Variants in DLEC1 observed in about 807,000 individuals in gnomAD.
DLEC1 encodes the protein DLEC1 cilia and flagella associated protein.
In DLEC1, 146 loss-of-function variants were observed where a neutral mutation model predicts 198.1. The observed-to-expected ratio is 0.74, with a 90% CI of 0.64 to 0.85. DLEC1 has a LOEUF of 0.85. Among genes scored for constraint, DLEC1 ranks in the 40% least tolerant of loss-of-function variants. The probability of loss-of-function intolerance (pLI) is 0.00; values close to 1 mark genes in which losing one functional copy is unlikely to be tolerated. For missense variants in DLEC1, 2,233 were observed against 2,220.0 expected (o/e 1.01, Z -0.12); for synonymous variants, 897 against 866.8 (o/e 1.03, Z -0.61).
chr3:38,122,050 C>G (rs893429611), intron 35 of DLEC1, 21 bp from the exon 36 acceptor site: 2 of 1,612,410 alleles, frequency 1.2e-6, no homozygotes, highest in African/African-American at 2.7e-5. Flanking sequence ...ACTCATGTGT[C>G]TTCCCTTCCC....
intron 10 of DLEC1, 123 bp downstream of exon 10, chr3:38,088,511 C>G (rs1380982876): frequency 5.8e-6 from 5 of 857,098 alleles, no homozygotes; most frequent in Non-Finnish European, 7.4e-6. Flanking sequence ...TCTGGGTAGA[C>G]GCATATTCTT....
chr3:38,097,697 T>A, intron 17 of DLEC1, 47 bp from the exon 18 acceptor site: 1 of 1,613,598 alleles, frequency 6.2e-7, no homozygotes, highest in South Asian at 1.1e-5. Context: ...GCTGGGACAC[T>A]GAGCCATCCC....
intron 6 of DLEC1, among the ~76,000 whole-genome samples, chr3:38,070,115 T>C (rs560508665): frequency 6.6e-6 from 1 of 152,234 alleles, no homozygotes; most frequent in South Asian, 2.1e-4. Context: ...CTGGGTGCAG[T>C]TGGAGGATTA....
intron 2 of DLEC1, among the ~76,000 whole-genome samples, chr3:38,054,794 C>A (rs1696267487): frequency 6.6e-6 from 1 of 152,218 alleles, no homozygotes; most frequent in South Asian, 2.1e-4. Flanking sequence ...TTAAAACCAG[C>A]TAAACATGAG....
chr3:38,045,075 A>T (rs933410023), intron 1 of DLEC1, among the ~76,000 whole-genome samples: 17 of 152,074 alleles, frequency 1.1e-4, no homozygotes, highest in African/African-American at 4.1e-4. Context: ...AGGTCTTTAT[A>T]CCCCTGCCTC....
chr3:38,103,356 C>T (rs1329362228), intron 19 of DLEC1: 2 of 152,298 alleles, frequency 1.3e-5, no homozygotes, highest in Non-Finnish European at 2.9e-5. Flanking sequence ...GCTCCCCCGC[C>T]CTTTGATGCC....
At chr3:38,093,824 C>G (rs758276026) in intron 12 of DLEC1, 57 bp downstream of exon 12, 1 of 1,600,062 alleles carries the variant, frequency 6.2e-7, no homozygotes, top group Non-Finnish European at 8.5e-7. Context: ...TTACCTGGCC[C>G]TCAGTCCCAG....
Position 38,117,594 on chromosome 3 carries a change from G to C in DLEC1, c.4468G>C (p.Glu1490Gln), listed in dbSNP as rs370289865. ...GTGCCAGGCCAGTGACCTCATTCCC[G>C]AGCAGCCCTGCTCTGGGGTGAGTGT... is the stretch of plus-strand genomic sequence containing the variant. ...FQCQASDLIP[E>Q]QPCSGVLSEL... Residue 1490 changes from glutamate (E) to glutamine (Q), a missense_variant, in exon 32 of 37, where the codon GAG becomes CAG. Glu to Gln is a conservative substitution (Grantham distance 29). Coordinates refer to ENST00000308059, the MANE Select transcript of DLEC1 (RefSeq NM_007335.4). The C allele has an allele frequency of 1.9e-6, 3 of 1,613,976 alleles. No homozygotes were observed. The highest frequency in any genetic ancestry group is 1.3e-5 in the African/African-American group (1 of 74,908).
rs1183394280 is a variant in DLEC1, at chr3:38,059,870, T to C, written c.673+18T>C. 1 of 1,607,772 alleles carries C rather than the reference T, an allele frequency of 6.2e-7. No homozygotes were observed. Among genetic ancestry groups the C allele is most frequent in the Non-Finnish European group, 8.5e-7 (1 of 1,175,412 alleles). ...ACCTAAAGGTAATGCTTCTGTGCTC[T>C]CAAGGCCTCTGATACCATTTGGGGG... On this transcript the variant is annotated intron_variant, in intron 3 of 36. Coordinates refer to ENST00000308059, the MANE Select transcript of DLEC1 (RefSeq NM_007335.4).
At chr3:38,086,521 C>G in intron 9 of DLEC1, 144 bp downstream of exon 9, 1 of 1,132,488 alleles carries the variant, frequency 8.8e-7, no homozygotes, top group Admixed American at 2.8e-5. Flanking sequence ...TGCCACAACC[C>G]GAATGAGAAT....
rs1164371261 is a variant in DLEC1, at chr3:38,096,636, G to A, written c.2239G>A (p.Val747Met). The A allele has an allele frequency of 1.2e-6, 2 of 1,613,022 alleles. No individual in the cohort carries two copies. The highest frequency in any genetic ancestry group is 4.5e-5 in the East Asian group (2 of 44,878). Residue 747 changes from valine (V) to methionine (M), a missense_variant, in exon 15 of 37, where the codon GTG becomes ATG. Transcript: ENST00000308059. ...TGATGTGATTGTCCTGGAAATCGAGGTGAAAGGCTCAGTAGAACCTTTCCA... is the reference window on the plus strand; with the variant it reads ...TGATGTGATTGTCCTGGAAATCGAGATGAAAGGCTCAGTAGAACCTTTCCA... ...VDDVIVLEIEVKGSVEPFQVL... is the reference protein window; with the variant it reads ...VDDVIVLEIEMKGSVEPFQVL...
intron 1 of DLEC1, among the ~76,000 whole-genome samples, chr3:38,042,019 G>C (rs912842592): frequency 1.3e-5 from 2 of 151,974 alleles, no homozygotes; most frequent in African/African-American, 4.8e-5. Flanking sequence ...TTGAGGCAGA[G>C]TCTCGCTCTG....
In DLEC1 at chr3:38,097,891, A is replaced by G; in HGVS notation, c.2713A>G (p.Arg905Gly). 1 of 1,614,200 alleles carries G rather than the reference A, an allele frequency of 6.2e-7. No individual in the cohort carries two copies. The highest frequency in any genetic ancestry group is 8.5e-7 in the Non-Finnish European group (1 of 1,180,032). Residue 905 changes from arginine (R) to glycine (G), a missense_variant, in exon 18 of 37, where the codon AGG (arginine) becomes GGG (glycine). By Grantham distance (125) the Arg-to-Gly change is moderately radical (BLOSUM62 -2). Transcript: ENST00000308059. ...GGAGAGCCCAGTCTCCCTCCAGGAA[A>G]GGCCTGAGGATGTAAGTCAGGCACT... The part of the protein sequence containing the change: ...MKESPVSLQE[R>G]PEDVSPFDIE...
rs943098044 is a variant in DLEC1 at position 38,085,425 on chromosome 3, G to A, written c.1413G>A (p.Arg471=). The change falls in exon 8 of 37, where the codon CGG becomes CGA. Residue 471 remains arginine (R), a synonymous_variant. Transcript: ENST00000308059. ...CACTTCTGATCCCCCTGCAGGCCCG[G>A]AGGCCGCCCCCCGTGCTGACATGTG... The part of the protein sequence containing the change: ...AHTLLIPLQA[R]RPPPVLTLSP... The A allele has an allele frequency of 1.2e-6, 2 of 1,613,818 alleles. No homozygotes were observed. The highest frequency in any genetic ancestry group is 1.3e-5 in the African/African-American group (1 of 74,930).
intron 2 of DLEC1, among the ~76,000 whole-genome samples, chr3:38,058,594 G>A (rs1436822475): frequency 6.6e-6 from 1 of 151,888 alleles, no homozygotes; most frequent in East Asian, 1.9e-4. Context: ...AATATATATG[G>A]TTTTTAAAAA....
Position 38,097,741 on chromosome 3 carries a change from C to A in DLEC1, c.2566-3C>A. The A allele has an allele frequency of 6.2e-7, 1 of 1,614,112 alleles. No individual in the cohort carries two copies. Among genetic ancestry groups the A allele is most frequent in the Non-Finnish European group, 8.5e-7 (1 of 1,179,958 alleles). On this transcript the variant is annotated splice_polypyrimidine_tract_variant and splice_region_variant and intron_variant, in intron 17 of 36. Transcript: ENST00000308059. ...CCAGTGACAGGCCCTCTGGGTGTCT[C>A]AGGGGCCTGCCCTCATCATCAACGT... is the stretch of plus-strand genomic sequence containing the variant.
chr3:38,044,990 G>A (rs969075769), intron 1 of DLEC1, among the ~76,000 whole-genome samples: 1 of 152,198 alleles, frequency 6.6e-6, no homozygotes, highest in African/African-American at 2.4e-5. Context: ...GGCCCAACAA[G>A]CCTTGACAAA....
intron 10 of DLEC1, among the ~76,000 whole-genome samples, chr3:38,088,890 C>T (rs568555845): frequency 2.3e-4 from 35 of 152,300 alleles, no homozygotes; most frequent in Admixed American, 2.1e-3. Flanking sequence ...GTGGGCGTCT[C>T]CTTTCCTAAC....
intron 6 of DLEC1, among the ~76,000 whole-genome samples, chr3:38,081,059 C>T (rs534263688): frequency 4.4e-5 from 6 of 135,944 alleles, no homozygotes; most frequent in South Asian, 2.3e-4. Flanking sequence ...TAACAAAGCA[C>T]ATCTTGCACC....
Sources: gnomAD v4.1 joint callset for allele counts (sites outside exome capture counted in the v4.1 genomes callset) on GRCh38, gnomAD v4.1.1 for gene constraint, MANE v1.5 for transcripts, NCBI Gene and HGNC (gene_info 2026-07-23, HGNC 2026-07-21) for gene names.